CCDC90B: variants seen among roughly 807,000 people sequenced by gnomAD.
CCDC90B encodes the protein coiled-coil domain-containing protein 90B, mitochondrial.
A neutral mutation model predicts 37.0 loss-of-function variants in CCDC90B; 24 were observed. That is an observed-to-expected ratio of 0.65 (90% CI 0.47 to 0.91). The LOEUF (loss-of-function observed/expected upper bound fraction) is 0.91. Ranked by LOEUF, CCDC90B falls within the 40% of genes least tolerant of loss-of-function variation. The probability of loss-of-function intolerance (pLI) is 0.00; values close to 1 mark genes in which losing one functional copy is unlikely to be tolerated. For synonymous variants in CCDC90B, 113 were observed against 101.1 expected (o/e 1.12, Z -0.71); for missense variants, 319 against 299.0 (o/e 1.07, Z -0.49).
At chr11:83,264,317 C>A (rs1467227699) in intron 8 of CCDC90B, among the ~76,000 whole-genome samples, 1 of 151,900 alleles carries the variant, frequency 6.6e-6, no homozygotes, top group Non-Finnish European at 1.5e-5. Context: ...AAGTTGTAGA[C>A]TATAAAAAAT....
intron 8 of CCDC90B, among the ~76,000 whole-genome samples, chr11:83,265,489 TATCCACATGCTTTTTCTATTAGTCA>T (rs1189381049): frequency 6.6e-6 from 1 of 152,186 alleles, no homozygotes; most frequent in African/African-American, 2.4e-5. Context: ...ATTTCTTTTA[TATCCACATGCTTTTTCTATTAGTCA>T]GCTGCAGAGT....
At chr11:83,285,378 A>C in intron 1 of CCDC90B, 1 of 1,171,576 alleles carries the variant, frequency 8.5e-7, no homozygotes, top group Non-Finnish European at 1.1e-6. Flanking sequence ...ATTTTCCCAA[A>C]GTCTACAATG....
chr11:83,260,644 T>C lies in CCDC90B; in HGVS notation c.*1267A>G, dbSNP rs1377872412. ...CAAATGACAAGGCTATTTTGAATAA[T>C]GATTGTCAAACTTTTATAGCTATTA... is the stretch of plus-strand genomic sequence containing the variant. On this transcript the variant is annotated 3_prime_UTR_variant, in exon 9 of 9. Transcript: ENST00000529689. 1 of 152,166 alleles carries C rather than the reference T, an allele frequency of 6.6e-6. No homozygotes were observed. Among genetic ancestry groups the C allele is most frequent in the Non-Finnish European group, 1.5e-5 (1 of 68,028 alleles). 9.4% of individuals were successfully genotyped at this position (152,166 alleles called of 1,614,324 possible). A position where few individuals can be genotyped will look rare whatever the true frequency, so the allele number is the denominator to read the frequency against.
intron 1 of CCDC90B, among the ~76,000 whole-genome samples, chr11:83,281,034 T>C (rs1393471564): frequency 2.0e-5 from 3 of 152,222 alleles, no homozygotes; most frequent in Non-Finnish European, 4.4e-5. Flanking sequence ...ACCTTTTCTA[T>C]ATATTGCTGA....
chr11:83,261,841 T>C lies in CCDC90B; in HGVS notation c.*70A>G. 5 of 1,113,282 alleles carry C rather than the reference T, an allele frequency of 4.5e-6. No homozygotes were observed. The highest frequency in any genetic ancestry group is 6.6e-6 in the Non-Finnish European group (5 of 755,100). The allele number at this position is 1,113,282 out of a possible 1,614,324, so 69.0% of individuals were successfully genotyped here. On this transcript the variant is annotated 3_prime_UTR_variant, in exon 9 of 9. Transcript: ENST00000529689. ...AGTAAATTTTTGCTGCAACTGACAA[T>C]GTTCAAAGTAAATCTCTCCCGGTTT...
intron 2 of CCDC90B, 34 bp from the exon 3 acceptor site, chr11:83,278,863 AAAGTG>A: frequency 8.0e-7 from 1 of 1,248,058 alleles, no homozygotes; most frequent in Admixed American, 1.7e-5. Context: ...TATTTTTTTT[AAAGTG>A]TATATCCTTA....
intron 1 of CCDC90B, 177 bp downstream of exon 1, chr11:83,285,696 C>A: frequency 2.8e-6 from 4 of 1,432,648 alleles, no homozygotes; most frequent in Admixed American, 2.9e-5. Context: ...AGTCCTCGCC[C>A]CTTGGGGCGA....
At chr11:83,269,352 C>T (rs1453856232) in intron 7 of CCDC90B, among the ~76,000 whole-genome samples, 1 of 151,620 alleles carries the variant, frequency 6.6e-6, no homozygotes, top group Non-Finnish European at 1.5e-5. Flanking sequence ...CTTAAAAAAA[C>T]AATCAATGAA....
intron 1 of CCDC90B, chr11:83,285,642 C>G: frequency 1.5e-6 from 2 of 1,377,034 alleles, no homozygotes; most frequent in Non-Finnish European, 1.9e-6. Context: ...GAAGCCCAGG[C>G]CTTCAAAGGT....
chr11:83,261,773 C>G lies in CCDC90B; in HGVS notation c.*138G>C. 1 of 602,600 alleles carries G rather than the reference C, an allele frequency of 1.7e-6. No individual in the cohort carries two copies. Among genetic ancestry groups the G allele is most frequent in the South Asian group, 2.4e-5 (1 of 42,224 alleles). 37.3% of individuals were successfully genotyped at this position (602,600 alleles called of 1,614,324 possible). Reference sequence around the variant, plus strand: ...CACAGTATCTCTTCTCATTCTAAAACACTTCCTCTTTTAGTCCGTATACAC... The same window carrying G: ...CACAGTATCTCTTCTCATTCTAAAAGACTTCCTCTTTTAGTCCGTATACAC... On this transcript the variant is annotated 3_prime_UTR_variant, in exon 9 of 9. Coordinates refer to ENST00000529689, the MANE Select transcript of CCDC90B (RefSeq NM_021825.5).
In CCDC90B at chr11:83,265,896, A is replaced by G. The variant is rs776727228; in HGVS notation, c.678T>C (p.Ser226=). The G allele has an allele frequency of 6.2e-7, 1 of 1,608,814 alleles. No homozygotes were observed. Among genetic ancestry groups the G allele is most frequent in the East Asian group, 2.2e-5 (1 of 44,812 alleles). The stretch of plus-strand genomic sequence containing the variant: ...GATAACGAATTGTCTCAAGTTTGTT[A>G]GATTCCATCAGTGTTTTTAAGGAAG... ...EIASLKTLME[S]NKLETIRYLA... is the part of the protein sequence containing the mutation. Residue 226 remains serine (S), a synonymous_variant, in exon 8 of 9, where the codon TCT becomes TCC. Coordinates refer to ENST00000529689, the MANE Select transcript of CCDC90B (RefSeq NM_021825.5).
At chr11:83,272,379 C>T (rs186957963) in intron 7 of CCDC90B, among the ~76,000 whole-genome samples, 12 of 152,038 alleles carry the variant, frequency 7.9e-5, no homozygotes, top group African/African-American at 2.9e-4. Flanking sequence ...CATATTTATA[C>T]CTGAATACAT....
chr11:83,265,284 G>A (rs571571395), intron 8 of CCDC90B, among the ~76,000 whole-genome samples: 1 of 152,270 alleles, frequency 6.6e-6, no homozygotes, highest in South Asian at 2.1e-4. Context: ...TGCTGAATCA[G>A]TTGATTCAAG....
chr11:83,275,440 C>A (rs1215803212), intron 3 of CCDC90B, among the ~76,000 whole-genome samples: 1 of 151,086 alleles, frequency 6.6e-6, no homozygotes, highest in African/African-American at 2.4e-5. Flanking sequence ...GCTGACATAA[C>A]ACTCAAAGGA....
At position 83,286,269 on chromosome 11, in the gene CCDC90B, C is replaced by G. The variant is rs896067450; in HGVS notation, c.-297G>C. 13 of 1,373,142 alleles carry G rather than the reference C, an allele frequency of 9.5e-6. No individual in the cohort carries two copies. The highest frequency in any genetic ancestry group is 1.2e-5 in the Non-Finnish European group (12 of 1,012,900). The allele number at this position is 1,373,142 out of a possible 1,614,324, so 85.1% of individuals were successfully genotyped here. A position where few individuals can be genotyped will look rare whatever the true frequency, so the allele number is the denominator to read the frequency against. On this transcript the variant is annotated 5_prime_UTR_variant, in exon 1 of 9. Coordinates refer to ENST00000529689, the MANE Select transcript of CCDC90B (RefSeq NM_021825.5). Reference sequence around the variant, plus strand: ...GAGATCTTGTCAGAGAACCTTCCGGCGCCTGTTTCCTGGCAGTGGGGCATA... The same window carrying G: ...GAGATCTTGTCAGAGAACCTTCCGGGGCCTGTTTCCTGGCAGTGGGGCATA...
In CCDC90B at chr11:83,282,801, G is replaced by C. The variant is rs561720451; in HGVS notation, c.101-2541C>G. ...GATGGTTTTTCATAGTACTGCACAG[G>C]ATTCTTTTGCAAACCCTCTCATAAT... On this transcript the variant is annotated intron_variant, in intron 1 of 8. Coordinates refer to ENST00000529689, the MANE Select transcript of CCDC90B (RefSeq NM_021825.5). Among the ~76,000 whole-genome samples the C allele has an allele frequency of 1.5e-4, 23 of 152,196 alleles. No individual in the cohort carries two copies. The South Asian group carries it at 3.9e-3, about 26-fold the overall frequency.
intron 7 of CCDC90B, chr11:83,273,391 T>G (rs1864809603): frequency 3.7e-6 from 1 of 267,178 alleles, no homozygotes; most frequent in African/African-American, 2.2e-5. Flanking sequence ...TTATTTTCTA[T>G]TATAGAAGTA....
intron 8 of CCDC90B, among the ~76,000 whole-genome samples, chr11:83,263,504 A>C (rs372751921): frequency 6.6e-6 from 1 of 152,194 alleles, no homozygotes; most frequent in South Asian, 2.1e-4. Flanking sequence ...TGCCTGGTAC[A>C]TTTTAAGCAC....
chr11:83,286,344 G>C lies in CCDC90B; in HGVS notation c.-372C>G. 1 of 717,006 alleles carries C rather than the reference G, an allele frequency of 1.4e-6. No individual in the cohort carries two copies. The highest frequency in any genetic ancestry group is 2.3e-6 in the Non-Finnish European group (1 of 443,144). The allele number at this position is 717,006 out of a possible 1,614,324, so 44.4% of individuals were successfully genotyped here. A position where few individuals can be genotyped will look rare whatever the true frequency, so the allele number is the denominator to read the frequency against. ...TAGCCAGCGGCCATTACGCGCTTGG[G>C]TCGGGGGAGATGGAGTCGCATTTAG... On this transcript the variant is annotated 5_prime_UTR_variant, in exon 1 of 9. Coordinates refer to ENST00000529689, the MANE Select transcript of CCDC90B (RefSeq NM_021825.5).
Sources: gnomAD v4.1 joint callset for allele counts (sites outside exome capture counted in the v4.1 genomes callset) on GRCh38, gnomAD v4.1.1 for gene constraint, MANE v1.5 for transcripts, NCBI Gene and HGNC (gene_info 2026-07-23, HGNC 2026-07-21) for gene names.